Variants in ADAMTS2 observed in about 807,000 individuals in gnomAD.
The protein encoded by ADAMTS2 is ADAM metallopeptidase with thrombospondin type 1 motif 2.
ADAMTS2 carries 50 observed loss-of-function variants against 123.0 expected under a neutral mutation model. That is an observed-to-expected ratio of 0.41 (90% CI 0.32 to 0.51). ADAMTS2 has a LOEUF of 0.51. Among genes scored for constraint, ADAMTS2 ranks in the 20% least tolerant of loss-of-function variants. ADAMTS2 has a pLI of 0.35. For missense variants in ADAMTS2, 1,494 were observed against 1,705.2 expected (o/e 0.88, Z 2.18); for synonymous variants, 678 against 695.4 (o/e 0.98, Z 0.39).
intron 4 of ADAMTS2, among the ~76,000 whole-genome samples, chr5:179,206,387 C>G (rs1764695653): frequency 6.6e-6 from 1 of 152,170 alleles, no homozygotes; most frequent in Non-Finnish European, 1.5e-5. Flanking sequence ...CAGAGCTGGG[C>G]AGCAGATCCT....
chr5:179,311,751 C>T (rs972385108), intron 2 of ADAMTS2, among the ~76,000 whole-genome samples: 4 of 152,144 alleles, frequency 2.6e-5, no homozygotes, highest in African/African-American at 9.7e-5. Flanking sequence ...TCCCCATCCC[C>T]TGGCCCCTAC....
intron 17 of ADAMTS2, among the ~76,000 whole-genome samples, chr5:179,126,833 G>C (rs1330247147): frequency 1.3e-5 from 2 of 152,144 alleles, no homozygotes; most frequent in Admixed American, 1.3e-4. Flanking sequence ...GGAGGCTGAC[G>C]TGGTGGCAGG....
chr5:179,296,593 C>T lies in ADAMTS2; in HGVS notation c.535-23529G>A, dbSNP rs545274581. On this transcript the variant is annotated intron_variant, in intron 2 of 21. Transcript: ENST00000251582. ...AGCAAAGAGGACCAGTGGCATCCGA[C>T]TCGGATAAGGAAGGACCGCAAGGCA... 2.1e-4 allele frequency among the ~76,000 whole-genome samples: 32 copies of T among 152,238 alleles called. No homozygotes were observed. In the South Asian group the frequency reaches 5.8e-3, roughly 28 times the overall value.
At chr5:179,267,658 T>C (rs1220190341) in intron 3 of ADAMTS2, among the ~76,000 whole-genome samples, 1 of 152,184 alleles carries the variant, frequency 6.6e-6, no homozygotes, top group Non-Finnish European at 1.5e-5. Context: ...ACAGAAAGCA[T>C]GGGTAGCCAA....
intron 19 of ADAMTS2, among the ~76,000 whole-genome samples, chr5:179,123,934 G>A (rs1424257549): frequency 1.3e-5 from 2 of 152,210 alleles, no homozygotes; most frequent in African/African-American, 2.4e-5. Context: ...TGACCCCATT[G>A]AAAACCCTGG....
At chr5:179,258,761 CAG>C (rs1413743897) in intron 3 of ADAMTS2, among the ~76,000 whole-genome samples, 1 of 152,156 alleles carries the variant, frequency 6.6e-6, no homozygotes, top group Non-Finnish European at 1.5e-5. Flanking sequence ...GAGGTCCAGA[CAG>C]GGGTGGAGCT....
At position 179,332,983 on chromosome 5, in the gene ADAMTS2, A is replaced by T. The variant is rs1757519730; in HGVS notation, c.534+10784T>A. Among the ~76,000 whole-genome samples, 1 of 152,062 alleles carries T rather than the reference A, an allele frequency of 6.6e-6. No homozygotes were observed. The highest frequency in any genetic ancestry group is 2.4e-5 in the African/African-American group (1 of 41,412). On this transcript the variant is annotated intron_variant, in intron 2 of 21. Transcript: ENST00000251582. This position sits in a 1 kb window ranked among gnomAD's most constrained non-coding sequence, Gnocchi z 4.2. ...CTGCCCTGGGAGCCCTCACCCCCTT[A>T]TCCTGCCCGCTTGCCTGTGAGGACC... is the stretch of plus-strand genomic sequence containing the variant.
At chr5:179,156,961 C>CTTTTTTTTTTTTTTT (rs70997667) in intron 6 of ADAMTS2, among the ~76,000 whole-genome samples, 5 of 108,342 alleles carry the variant, frequency 4.6e-5, no homozygotes, top group Admixed American at 2.1e-4. Context: ...TTCATTTTTT[C>CTTTTTTTTTTTTTTT]TTTTTTTTTT....
intron 3 of ADAMTS2, among the ~76,000 whole-genome samples, chr5:179,212,557 T>C (rs13173855): frequency 1.7e-4 from 8 of 46,422 alleles, no homozygotes; most frequent in East Asian, 5.5e-4. Flanking sequence ...CAGGCGTGGG[T>C]CCTGAGGGCA....
intron 2 of ADAMTS2, among the ~76,000 whole-genome samples, chr5:179,291,130 C>T (rs1756176243): frequency 6.6e-6 from 1 of 152,196 alleles, no homozygotes. Flanking sequence ...GACTGAGCCA[C>T]CAGCATGATG....
chr5:179,285,891 T>C lies in ADAMTS2; in HGVS notation c.535-12827A>G, dbSNP rs1756005708. Among the ~76,000 whole-genome samples the C allele has an allele frequency of 6.6e-6, 1 of 152,090 alleles. No individual in the cohort carries two copies. The highest frequency in any genetic ancestry group is 1.5e-5 in the Non-Finnish European group (1 of 68,020). On this transcript the variant is annotated intron_variant, in intron 2 of 21. Transcript: ENST00000251582. The surrounding 1 kb of genome is among the most constrained non-coding windows in gnomAD (Gnocchi z 4.9). ...GAGACGTGTGGTGGAGGAGAGCTCA[T>C]GGAATAAGGTCCAACTTCCCCATTC...
intron 13 of ADAMTS2, among the ~76,000 whole-genome samples, chr5:179,134,858 TC>T (rs70997665): frequency 1.2e-4 from 4 of 32,562 alleles, no homozygotes; most frequent in African/African-American, 3.6e-4. Flanking sequence ...CGGCTCCAGC[TC>T]CCAGCTCCCG....
intron 2 of ADAMTS2, among the ~76,000 whole-genome samples, chr5:179,288,229 C>T (rs111995879): frequency 0.017 from 2,539 of 152,354 alleles, 32 homozygotes; most frequent in Non-Finnish European, 0.027. Flanking sequence ...GGCTTCTTTT[C>T]CTGCTGTGAT....
intron 10 of ADAMTS2, among the ~76,000 whole-genome samples, chr5:179,150,465 T>C (rs974485042): frequency 1.3e-5 from 2 of 152,310 alleles, no homozygotes; most frequent in South Asian, 2.1e-4. Flanking sequence ...CAAAACCTTA[T>C]ACACAAATGT....
chr5:179,148,579 C>T (rs1397071128), intron 10 of ADAMTS2, among the ~76,000 whole-genome samples: 1 of 152,186 alleles, frequency 6.6e-6, no homozygotes, highest in African/African-American at 2.4e-5. Flanking sequence ...GAATTCCTGC[C>T]ACCAGGTCTC....
At chr5:179,214,942 G>C (rs569854635) in intron 3 of ADAMTS2, among the ~76,000 whole-genome samples, 1 of 152,008 alleles carries the variant, frequency 6.6e-6, no homozygotes, top group South Asian at 2.1e-4. Flanking sequence ...ATTATTCTCC[G>C]CCAAATAATC....
Position 179,181,228 on chromosome 5 carries a change from C to T in ADAMTS2, c.892-73G>A, listed in dbSNP as rs977157306. 9.4e-7 allele frequency: 1 copy of T among 1,058,736 alleles called. No individual in the cohort carries two copies. The highest frequency in any genetic ancestry group is 1.5e-6 in the Non-Finnish European group (1 of 678,082). The allele number at this position is 1,058,736 out of a possible 1,614,324, so 65.6% of individuals were successfully genotyped here. On this transcript the variant is annotated intron_variant, in intron 4 of 21. Transcript: ENST00000251582. This position sits in a 1 kb window ranked among gnomAD's most constrained non-coding sequence, Gnocchi z 4.1. ...GGCTCTGGCTCTGCCAATGGGATGACCCCCACCTGCTCCTTCTTCTTCCCA... is the reference window on the plus strand; with the variant it reads ...GGCTCTGGCTCTGCCAATGGGATGATCCCCACCTGCTCCTTCTTCTTCCCA...
At chr5:179,121,605 C>A (rs1762764278) in intron 21 of ADAMTS2, 56 bp downstream of exon 21, 15 of 1,431,376 alleles carry the variant, frequency 1.0e-5, no homozygotes, top group Non-Finnish European at 1.3e-5. Context: ...GCAAGCTCCA[C>A]AGGGCGCAGG....
chr5:179,212,536 G>T (rs1271404269), intron 3 of ADAMTS2, among the ~76,000 whole-genome samples: 1 of 109,392 alleles, frequency 9.1e-6, no homozygotes, highest in Admixed American at 9.4e-5. Flanking sequence ...TCCGAAGGCA[G>T]GTGCAGTGAG....
Sources: gnomAD v4.1 joint callset for allele counts (sites outside exome capture counted in the v4.1 genomes callset) on GRCh38, gnomAD v4.1.1 for gene constraint, Gnocchi (gnomAD v3.1) non-coding constraint, MANE v1.5 for transcripts, NCBI Gene and HGNC (gene_info 2026-07-23, HGNC 2026-07-21) for gene names.